Variants in ARID5B observed in about 807,000 individuals in gnomAD.
ARID5B encodes the protein AT-rich interactive domain-containing protein 5B.
ARID5B carries 13 observed loss-of-function variants against 97.2 expected under a neutral mutation model. The observed-to-expected ratio is 0.13, with a 90% CI of 0.09 to 0.21. The LOEUF (loss-of-function observed/expected upper bound fraction) is 0.21, where lower values mean the gene tolerates loss of function less well. Among genes scored for constraint, ARID5B ranks in the 10% least tolerant of loss-of-function variants. The pLI is 1.00. For missense variants in ARID5B, 1,210 were observed against 1,465.3 expected (o/e 0.83, Z 2.84); for synonymous variants, 556 against 570.3 (o/e 0.97, Z 0.36).
intron 4 of ARID5B, among the ~76,000 whole-genome samples, chr10:62,019,908 C>A (rs1443382264): frequency 1.3e-5 from 2 of 152,138 alleles, no homozygotes; most frequent in African/African-American, 4.8e-5. Context: ...GGGCTGAGCT[C>A]GTTCTGATTC....
At chr10:62,062,394 C>A (rs976705143) in intron 7 of ARID5B, among the ~76,000 whole-genome samples, 3 of 152,156 alleles carry the variant, frequency 2.0e-5, no homozygotes, top group East Asian at 1.9e-4. Flanking sequence ...AGACCCCCAC[C>A]CCAAGATATA....
At chr10:61,903,317 G>T (rs1202090212) in intron 2 of ARID5B, among the ~76,000 whole-genome samples, 1 of 152,170 alleles carries the variant, frequency 6.6e-6, no homozygotes, top group Non-Finnish European at 1.5e-5. Flanking sequence ...GGCCGCGGGG[G>T]CGCTCGCCGC....
chr10:61,903,037 G>A (rs1035994404), intron 2 of ARID5B, among the ~76,000 whole-genome samples: 1 of 152,084 alleles, frequency 6.6e-6, no homozygotes, highest in Non-Finnish European at 1.5e-5. Context: ...GGTGTAACAG[G>A]CACAAACACG....
At chr10:61,905,908 C>T (rs1564597029) in intron 2 of ARID5B, among the ~76,000 whole-genome samples, 1 of 152,152 alleles carries the variant, frequency 6.6e-6, no homozygotes, top group Non-Finnish European at 1.5e-5. Flanking sequence ...GATTTATATG[C>T]TTATATACAC....
chr10:62,071,603 C>A (rs1289862190), intron 8 of ARID5B, among the ~76,000 whole-genome samples: 1 of 144,742 alleles, frequency 6.9e-6, no homozygotes, highest in Non-Finnish European at 1.5e-5. Flanking sequence ...AGGACTCAAC[C>A]CATAGTAGTG....
chr10:62,032,355 T>C (rs1033423520), intron 4 of ARID5B, among the ~76,000 whole-genome samples: 3 of 152,176 alleles, frequency 2.0e-5, no homozygotes, highest in Non-Finnish European at 1.5e-5. Context: ...AACTATTTAA[T>C]GTCAGGAACT....
In ARID5B at chr10:62,091,890, C is replaced by T. The variant is rs1375375522; in HGVS notation, c.2427C>T (p.Gly809=). Reference sequence around the variant, plus strand: ...TCCTGAAGCAAGAAATTCAGGAGGGCAAGGATAAACTCTTAGAGAAAAGGG... The same window carrying T: ...TCCTGAAGCAAGAAATTCAGGAGGGTAAGGATAAACTCTTAGAGAAAAGGG... ...SYVLKQEIQE[G]KDKLLEKRAL... The change falls in exon 10 of 10, where the codon GGC becomes GGT. Residue 809 remains glycine (G), a synonymous_variant. Coordinates refer to ENST00000279873, the MANE Select transcript of ARID5B (RefSeq NM_032199.3). 2 of 1,613,978 alleles carry T rather than the reference C, an allele frequency of 1.2e-6. No individual in the cohort carries two copies. The highest frequency in any genetic ancestry group is 2.7e-5 in the African/African-American group (2 of 74,908).
rs184070737 is a variant in ARID5B, at chr10:61,993,268, T to C, written c.503-6823T>C. Among the ~76,000 whole-genome samples, 22 of 152,250 alleles carry C rather than the reference T, an allele frequency of 1.4e-4. No individual in the cohort carries two copies. In the East Asian group the frequency reaches 4.1e-3, roughly 28 times the overall value. On this transcript the variant is annotated intron_variant, in intron 3 of 9. Transcript: ENST00000279873. ...CTAAGTTTACTACCTTAAGAGAGAT[T>C]GAAAAATACGGCAGGACACAGTACA... is the stretch of plus-strand genomic sequence containing the variant.
intron 4 of ARID5B, among the ~76,000 whole-genome samples, chr10:62,040,450 G>A (rs1442690688): frequency 1.3e-5 from 2 of 151,972 alleles, no homozygotes; most frequent in East Asian, 1.9e-4. Context: ...ACATTGAATC[G>A]TGACTTTTGC....
At chr10:62,049,432 A>G (rs1423163310) in intron 4 of ARID5B, 3 of 1,550,346 alleles carry the variant, frequency 1.9e-6, no homozygotes, top group Non-Finnish European at 2.6e-6. Context: ...CACATGCTGT[A>G]GCTTTCATGA....
intron 4 of ARID5B, among the ~76,000 whole-genome samples, chr10:62,040,586 G>A (rs1249307423): frequency 6.6e-6 from 1 of 152,068 alleles, no homozygotes; most frequent in Non-Finnish European, 1.5e-5. Context: ...GAAAGATAAT[G>A]TGAGCCACAT....
intron 8 of ARID5B, among the ~76,000 whole-genome samples, chr10:62,083,026 GA>G (rs373835182): frequency 5.4e-4 from 82 of 151,772 alleles, no homozygotes; most frequent in East Asian, 4.7e-3. Flanking sequence ...AGAAGGGGGG[GA>G]AAAAACACTC....
At chr10:61,928,461 T>G (rs894413037) in intron 2 of ARID5B, among the ~76,000 whole-genome samples, 28 of 152,078 alleles carry the variant, frequency 1.8e-4, no homozygotes, top group African/African-American at 6.5e-4. Context: ...CCACCATGCC[T>G]GGCTCATTTT....
chr10:61,979,663 C>G (rs1456150386), intron 3 of ARID5B, among the ~76,000 whole-genome samples: 1 of 152,182 alleles, frequency 6.6e-6, no homozygotes, highest in Non-Finnish European at 1.5e-5. Context: ...AGGGGTCTAC[C>G]CTCTATCCAG....
At chr10:61,967,577 G>A (rs2132829222) in intron 3 of ARID5B, among the ~76,000 whole-genome samples, 2 of 152,318 alleles carry the variant, frequency 1.3e-5, no homozygotes, top group Middle Eastern at 6.8e-3. Flanking sequence ...GCATCCATAT[G>A]CTTTGTTGTA....
intron 7 of ARID5B, 79 bp downstream of exon 7, chr10:62,059,374 C>A (rs1485437230): frequency 1.6e-6 from 2 of 1,225,540 alleles, no homozygotes; most frequent in Non-Finnish European, 1.2e-6. Context: ...GGAGAACATG[C>A]AAGGGCAAAA....
chr10:62,000,328 C>CTTT lies in ARID5B; in HGVS notation c.733+18_733+20dup. ...AGTATATGCGATGAGTTTGGTGAGT[C>CTTT]TTTTTTTTTTTTTCCTACCTGATTC... is the stretch of plus-strand genomic sequence containing the variant. On this transcript the variant is annotated splice_region_variant and intron_variant, in intron 4 of 9. Coordinates refer to ENST00000279873, the MANE Select transcript of ARID5B (RefSeq NM_032199.3). The surrounding 1 kb of genome is among the most constrained non-coding windows in gnomAD (Gnocchi z 4.4). The CTTT allele has an allele frequency of 1.5e-6, 2 of 1,348,574 alleles. No homozygotes were observed. Among genetic ancestry groups the CTTT allele is most frequent in the Non-Finnish European group, 2.0e-6 (2 of 984,160 alleles). The allele number at this position is 1,348,574 out of a possible 1,614,324, so 83.5% of individuals were successfully genotyped here.
At chr10:61,903,519 G>C (rs1056026501) in intron 2 of ARID5B, among the ~76,000 whole-genome samples, 1 of 152,260 alleles carries the variant, frequency 6.6e-6, no homozygotes, top group Admixed American at 6.5e-5. Context: ...AGCGGGGAGG[G>C]AGGGCGCACT....
chr10:62,011,529 C>G lies in ARID5B; in HGVS notation c.733+11208C>G, dbSNP rs1839217573. Among the ~76,000 whole-genome samples the G allele has an allele frequency of 2.0e-5, 3 of 152,162 alleles. No homozygotes were observed. The South Asian group carries it at 6.2e-4, about 32-fold the overall frequency. On this transcript the variant is annotated intron_variant, in intron 4 of 9. Transcript: ENST00000279873. The stretch of plus-strand genomic sequence containing the variant: ...TTGCAGACCCTTGGTGCCAGTGTCA[C>G]CTATAGGAGCTGAGGAGGTGGCCTC...
Sources: allele counts gnomAD v4.1 joint callset (sites outside exome capture counted in the v4.1 genomes callset), GRCh38; gene constraint gnomAD v4.1.1; non-coding constraint Gnocchi (gnomAD v3.1); transcripts MANE v1.5; gene names NCBI Gene and HGNC (gene_info 2026-07-23, HGNC 2026-07-21).